Variants in PABPC1L observed in about 807,000 individuals in gnomAD.
The protein encoded by PABPC1L is polyadenylate-binding protein 1-like.
A neutral mutation model predicts 66.6 loss-of-function variants in PABPC1L; 31 were observed. The ratio of observed to expected loss-of-function variants is 0.47; its 90% CI spans 0.35 to 0.63. PABPC1L has a LOEUF of 0.63. Among genes scored for constraint, PABPC1L ranks in the 20% least tolerant of loss-of-function variants. The pLI, the probability that PABPC1L is intolerant of heterozygous loss-of-function variation, is 0.00. For synonymous variants in PABPC1L, 348 were observed against 335.1 expected (o/e 1.04, Z -0.42); for missense variants, 722 against 848.8 (o/e 0.85, Z 1.86).
chr20:44,934,495 C>T (rs922457104), intron 10 of PABPC1L, among the ~76,000 whole-genome samples: 13 of 152,192 alleles, frequency 8.5e-5, no homozygotes, highest in Admixed American at 5.9e-4. Flanking sequence ...TTCCTCCTCC[C>T]GCTAGCCCTT....
chr20:44,928,765 G>A (rs1431720191), intron 7 of PABPC1L, among the ~76,000 whole-genome samples: 1 of 147,762 alleles, frequency 6.8e-6, no homozygotes, highest in East Asian at 2.1e-4. Flanking sequence ...TTGGGAGACT[G>A]AGTTGAGAGG....
intron 14 of PABPC1L, 126 bp from the exon 15 acceptor site, chr20:44,938,999 TC>T: frequency 1.5e-6 from 1 of 682,772 alleles, no homozygotes; most frequent in Non-Finnish European, 2.7e-6. Context: ...GTTTGGGCTT[TC>T]CCAGGGCCCT....
rs200505638 is a variant in PABPC1L at position 44,933,048 on chromosome 20, C to T, written c.1331-9C>T. The T allele has an allele frequency of 1.6e-5, 25 of 1,554,488 alleles. No homozygotes were observed. In the East Asian group the frequency reaches 1.9e-4, roughly 12 times the overall value. On this transcript the variant is annotated splice_polypyrimidine_tract_variant and intron_variant, in intron 9 of 14. Transcript: ENST00000217073. Reference sequence around the variant, plus strand: ...AACTTTTCTCTCTCTGTGGTGTCTGCACCACAAGCTGCCTACCCTCCAGGT... The same window carrying T: ...AACTTTTCTCTCTCTGTGGTGTCTGTACCACAAGCTGCCTACCCTCCAGGT...
In PABPC1L at chr20:44,933,053, C is replaced by T. The variant is rs1485541812; in HGVS notation, c.1331-4C>T. 6.4e-7 allele frequency: 1 copy of T among 1,565,988 alleles called. No individual in the cohort carries two copies. The highest frequency in any genetic ancestry group is 2.3e-5 in the East Asian group (1 of 42,868). Reference sequence around the variant, plus strand: ...TTCTCTCTCTGTGGTGTCTGCACCACAAGCTGCCTACCCTCCAGGTGCCTC... The same window carrying T: ...TTCTCTCTCTGTGGTGTCTGCACCATAAGCTGCCTACCCTCCAGGTGCCTC... On this transcript the variant is annotated splice_polypyrimidine_tract_variant and splice_region_variant and intron_variant, in intron 9 of 14. Coordinates refer to ENST00000217073, the MANE Select transcript of PABPC1L (RefSeq NM_001372179.1).
At chr20:44,932,641 A>T (rs2066870030) in intron 9 of PABPC1L, 11 of 522,214 alleles carry the variant, frequency 2.1e-5, no homozygotes, top group Non-Finnish European at 3.4e-6. Flanking sequence ...GAAGACACGC[A>T]GCTAGCCACC....
intron 10 of PABPC1L, 98 bp downstream of exon 10, chr20:44,933,283 G>A (rs2066876494): frequency 1.2e-5 from 12 of 1,015,410 alleles, no homozygotes; most frequent in Non-Finnish European, 1.8e-5. Flanking sequence ...TGCCCTCTCG[G>A]TGAGCAAAGC....
At position 44,914,172 on chromosome 20, in the gene PABPC1L, TG is replaced by T. The variant is rs550025448; in HGVS notation, c.387+1323del. ...GGAGTGTCTGCTATTCTAGGGAGGA[TG>T]GGGACAGTTTTTGTAGCCTATGTGT... On this transcript the variant is annotated intron_variant, in intron 2 of 14. Coordinates refer to ENST00000217073, the MANE Select transcript of PABPC1L (RefSeq NM_001372179.1). 8.0e-5 allele frequency among the ~76,000 whole-genome samples: 12 copies of T among 149,836 alleles called. 1 individual carries two copies. In the South Asian group the frequency reaches 2.3e-3, roughly 29 times the overall value.
At chr20:44,922,483 G>A (rs755000449) in intron 6 of PABPC1L, among the ~76,000 whole-genome samples, 7 of 152,082 alleles carry the variant, frequency 4.6e-5, no homozygotes, top group South Asian at 2.1e-4. Context: ...TGATCTGCCC[G>A]CCTCAGCCTC....
At chr20:44,928,090 A>G (rs941879331) in intron 7 of PABPC1L, among the ~76,000 whole-genome samples, 1 of 152,052 alleles carries the variant, frequency 6.6e-6, no homozygotes, top group African/African-American at 2.4e-5. Context: ...TTTTTTTGAG[A>G]CGAAGTCCCA....
intron 5 of PABPC1L, 149 bp from the exon 6 acceptor site, chr20:44,921,445 T>A (rs2066772516): frequency 1.7e-6 from 2 of 1,144,258 alleles, no homozygotes; most frequent in African/African-American, 1.6e-5. Flanking sequence ...AAAGTGGGTA[T>A]ACTTAAATGG....
Position 44,930,732 on chromosome 20 carries a change from G to A in PABPC1L, c.1239+6G>A, listed in dbSNP as rs200145469. 1.9e-5 allele frequency: 30 copies of A among 1,610,846 alleles called. No individual in the cohort carries two copies. The South Asian group carries it at 2.0e-4, about 11-fold the overall frequency. On this transcript the variant is annotated splice_donor_region_variant and intron_variant, in intron 8 of 14. Transcript: ENST00000217073. ...TCCTGCCTGCCATGCCCCAGGTGAC[G>A]GCCTGCCCGCAACTCCCACCGCAGC...
At position 44,918,961 on chromosome 20, in the gene PABPC1L, G is replaced by A. The variant is rs767966911; in HGVS notation, c.559G>A (p.Ala187Thr). ...REREAELGAR[A>T]LEFTNIYVKN... ...GCGGGAGGCGGAGCTGGGGGCGCGG[G>A]CCCTGGAGTTCACCAACATCTACGT... is the stretch of plus-strand genomic sequence containing the variant. The change falls in exon 4 of 15, where the codon GCC (alanine) becomes ACC (threonine). Residue 187 changes from alanine (A) to threonine (T), a missense_variant. By Grantham distance (58) the Ala-to-Thr change is moderately conservative. Coordinates refer to ENST00000217073, the MANE Select transcript of PABPC1L (RefSeq NM_001372179.1). The A allele has an allele frequency of 3.1e-6, 5 of 1,613,068 alleles. No homozygotes were observed. The Middle Eastern group carries it at 5.0e-4, about 160-fold the overall frequency.
At chr20:44,920,627 C>T (rs1266862793) in intron 5 of PABPC1L, among the ~76,000 whole-genome samples, 1 of 151,746 alleles carries the variant, frequency 6.6e-6, no homozygotes, top group Non-Finnish European at 1.5e-5. Flanking sequence ...CGCCACCATG[C>T]CCGGCTAATT....
At chr20:44,927,816 A>G (rs1225616731) in intron 7 of PABPC1L, among the ~76,000 whole-genome samples, 1 of 152,052 alleles carries the variant, frequency 6.6e-6, no homozygotes, top group Non-Finnish European at 1.5e-5. Context: ...CAGCCTCCCA[A>G]GTAGCTGAGA....
At chr20:44,911,064 G>A (rs1460727962) in intron 1 of PABPC1L, among the ~76,000 whole-genome samples, 2 of 152,144 alleles carry the variant, frequency 1.3e-5, no homozygotes, top group Non-Finnish European at 2.9e-5. Flanking sequence ...CATAAAGAAT[G>A]GAGAACTGCT....
chr20:44,936,344 T>G (rs1364465620), intron 11 of PABPC1L, among the ~76,000 whole-genome samples: 2 of 152,132 alleles, frequency 1.3e-5, no homozygotes, highest in Non-Finnish European at 2.9e-5. Flanking sequence ...TGATAAAAAG[T>G]GCTTTATTTG....
Position 44,912,721 on chromosome 20 carries a change from G to A in PABPC1L, c.255G>A (p.Met85Ile). 1 of 1,614,154 alleles carries A rather than the reference G, an allele frequency of 6.2e-7. No homozygotes were observed. The highest frequency in any genetic ancestry group is 8.5e-7 in the Non-Finnish European group (1 of 1,180,004). ...EMLKGQPIRI[M>I]WSQRDPGLRK... ...TCAAAGGCCAGCCTATTCGCATCAT[G>A]TGGTCCCAGCGAGACCCAGGACTTC... Residue 85 changes from methionine (M) to isoleucine (I), a missense_variant, in exon 2 of 15, where the codon ATG becomes ATA. By Grantham distance (10) the Met-to-Ile change is conservative. Coordinates refer to ENST00000217073, the MANE Select transcript of PABPC1L (RefSeq NM_001372179.1).
At chr20:44,934,715 C>T (rs1322381223) in intron 10 of PABPC1L, among the ~76,000 whole-genome samples, 1 of 152,152 alleles carries the variant, frequency 6.6e-6, no homozygotes, top group Admixed American at 6.5e-5. Flanking sequence ...TTTACTTATT[C>T]ATTCATCTAT....
In PABPC1L at chr20:44,936,684, G is replaced by A. The variant is rs755759350; in HGVS notation, c.1614G>A (p.Ala538=). 25 of 1,608,432 alleles carry A rather than the reference G, an allele frequency of 1.6e-5. No individual in the cohort carries two copies. The highest frequency in any genetic ancestry group is 1.5e-4 in the South Asian group (13 of 89,248). The part of the protein sequence containing the change: ...VHIPGQEPLT[A]SMLAAAPLHE... ...TCCCAGGACAGGAGCCCCTGACCGC[G>A]TCCATGCTGGCTGCGGCGCCCCTGC... Residue 538 remains alanine, a synonymous_variant, in exon 12 of 15, where the codon GCG becomes GCA. Coordinates refer to ENST00000217073, the MANE Select transcript of PABPC1L (RefSeq NM_001372179.1).
Sources: allele counts gnomAD v4.1 joint callset (sites outside exome capture counted in the v4.1 genomes callset), GRCh38; gene constraint gnomAD v4.1.1; transcripts MANE v1.5; gene names NCBI Gene and HGNC (gene_info 2026-07-23, HGNC 2026-07-21).